RALGAPA2: variants seen among roughly 807,000 people sequenced by gnomAD.
RALGAPA2 encodes ral GTPase-activating protein subunit alpha-2.
Under a neutral mutation model 230.4 loss-of-function variants are expected in RALGAPA2, and 139 were observed. The ratio of observed to expected loss-of-function variants is 0.60; its 90% CI spans 0.53 to 0.69. The LOEUF is 0.69. Ranked by LOEUF, RALGAPA2 falls within the 30% of genes least tolerant of loss-of-function variation. RALGAPA2 has a pLI of 0.00. For synonymous variants in RALGAPA2, 847 were observed against 837.8 expected, an observed-to-expected ratio of 1.01 and a Z score of -0.19; for missense variants, 2,163 against 2,276.0, an observed-to-expected ratio of 0.95 and a Z score of 1.01.
chr20:20,661,244 C>T (rs915058935), intron 3 of RALGAPA2, among the ~76,000 whole-genome samples: 7 of 152,132 alleles, frequency 4.6e-5, no homozygotes, highest in Non-Finnish European at 1.0e-4. Flanking sequence ...CTGCAACCTC[C>T]ACCACCCAGG....
chr20:20,517,987 G>GATAA (rs1173689420), intron 31 of RALGAPA2, among the ~76,000 whole-genome samples: 1 of 152,130 alleles, frequency 6.6e-6, no homozygotes, highest in Admixed American at 6.5e-5. Context: ...TGAAATACCA[G>GATAA]ATAAAGCATT....
intron 4 of RALGAPA2, 26 bp from the exon 5 acceptor site, chr20:20,643,575 A>T (rs2067112531): frequency 7.0e-7 from 1 of 1,433,098 alleles, no homozygotes; most frequent in East Asian, 2.6e-5. Flanking sequence ...AATGAATTAT[A>T]AATAGAGTAT....
At chr20:20,429,633 A>T (rs2060460993) in intron 37 of RALGAPA2, among the ~76,000 whole-genome samples, 1 of 152,378 alleles carries the variant, frequency 6.6e-6, no homozygotes, top group South Asian at 2.1e-4. Context: ...GAAGACAATC[A>T]GTACAAAATT....
At chr20:20,587,690 T>C (rs909236183) in intron 18 of RALGAPA2, among the ~76,000 whole-genome samples, 3 of 151,952 alleles carry the variant, frequency 2.0e-5, no homozygotes, top group Non-Finnish European at 4.4e-5. Flanking sequence ...AAAGATACCC[T>C]AGAGAAGGTA....
chr20:20,705,794 G>A (rs953668151), intron 1 of RALGAPA2, among the ~76,000 whole-genome samples: 4 of 151,960 alleles, frequency 2.6e-5, no homozygotes, highest in Admixed American at 6.6e-5. Flanking sequence ...TCAGCCTCCC[G>A]AGCAGCTGGG....
At chr20:20,600,864 G>T (rs1321549153) in intron 16 of RALGAPA2, among the ~76,000 whole-genome samples, 1 of 152,206 alleles carries the variant, frequency 6.6e-6, no homozygotes, top group Admixed American at 6.5e-5. Context: ...CATTTTGGGA[G>T]GCCGAGGCGG....
At chr20:20,708,718 C>CTTAA (rs2069712863) in intron 1 of RALGAPA2, among the ~76,000 whole-genome samples, 2 of 152,198 alleles carry the variant, frequency 1.3e-5, no homozygotes, top group Admixed American at 1.3e-4. Flanking sequence ...TTATGACATT[C>CTTAA]TTAATTATCT....
intron 35 of RALGAPA2, among the ~76,000 whole-genome samples, chr20:20,496,481 T>C (rs2062208331): frequency 6.6e-6 from 1 of 152,220 alleles, no homozygotes; most frequent in African/African-American, 2.4e-5. Flanking sequence ...TGACATCTTC[T>C]GGGAATTTGA....
chr20:20,689,596 C>T (rs1314011601), intron 1 of RALGAPA2, among the ~76,000 whole-genome samples: 1 of 152,184 alleles, frequency 6.6e-6, no homozygotes. Flanking sequence ...GAGCCGAGAT[C>T]GCGCCACTGC....
intron 36 of RALGAPA2, among the ~76,000 whole-genome samples, chr20:20,486,044 T>G (rs2061900321): frequency 6.6e-6 from 1 of 151,994 alleles, no homozygotes; most frequent in Non-Finnish European, 1.5e-5. Flanking sequence ...GAAGCCGAGG[T>G]AGGAGGATCA....
intron 37 of RALGAPA2, among the ~76,000 whole-genome samples, chr20:20,467,991 G>A (rs1172639806): frequency 1.3e-5 from 2 of 152,008 alleles, no homozygotes; most frequent in Non-Finnish European, 2.9e-5. Context: ...AAGTGTCTAG[G>A]GTACAGGTCT....
At chr20:20,550,487 C>A (rs1454539431) in intron 23 of RALGAPA2, among the ~76,000 whole-genome samples, 6 of 152,144 alleles carry the variant, frequency 3.9e-5, no homozygotes, top group Admixed American at 6.5e-5. Flanking sequence ...TCTCTCAACT[C>A]CAGCTGGCCT....
chr20:20,446,326 T>A (rs2060861289), intron 37 of RALGAPA2, among the ~76,000 whole-genome samples: 2 of 152,242 alleles, frequency 1.3e-5, no homozygotes, highest in African/African-American at 4.8e-5. Context: ...TATTATAAAT[T>A]GGTTAAACAC....
At position 20,392,847 on chromosome 20, in the gene RALGAPA2, C is replaced by A. The variant is rs1176803122; in HGVS notation, c.*442G>T. 3 of 246,420 alleles carry A rather than the reference C, an allele frequency of 1.2e-5. No homozygotes were observed. In the South Asian group the frequency reaches 1.3e-4, roughly 11 times the overall value. The allele number at this position is 246,420 out of a possible 1,614,324, so 15.3% of individuals were successfully genotyped here. ...GCTTGGGTTCATAAATGAGAAGAAA[C>A]AACTTGGGGTGCAGAAGCAAGCTGC... is the stretch of plus-strand genomic sequence containing the variant. On this transcript the variant is annotated 3_prime_UTR_variant, in exon 40 of 40. Coordinates refer to ENST00000202677, the MANE Select transcript of RALGAPA2 (RefSeq NM_020343.4).
chr20:20,641,789 G>C (rs776042111), intron 5 of RALGAPA2, among the ~76,000 whole-genome samples: 3 of 152,020 alleles, frequency 2.0e-5, no homozygotes, highest in Non-Finnish European at 4.4e-5. Flanking sequence ...AGGTGGTGCT[G>C]ACTCCACCAG....
chr20:20,652,552 T>C (rs1192905360), intron 4 of RALGAPA2, among the ~76,000 whole-genome samples: 1 of 152,164 alleles, frequency 6.6e-6, no homozygotes, highest in Non-Finnish European at 1.5e-5. Flanking sequence ...TCAACAAATA[T>C]TTGAATGAAT....
chr20:20,551,707 A>C (rs2063929804), intron 23 of RALGAPA2, among the ~76,000 whole-genome samples: 1 of 152,168 alleles, frequency 6.6e-6, no homozygotes, highest in Non-Finnish European at 1.5e-5. Flanking sequence ...AACTGGAAAA[A>C]CCATAAGTGA....
At chr20:20,501,352 G>A (rs1046153957) in intron 35 of RALGAPA2, among the ~76,000 whole-genome samples, 1 of 152,242 alleles carries the variant, frequency 6.6e-6, no homozygotes, top group Non-Finnish European at 1.5e-5. Flanking sequence ...CAGATAAGCT[G>A]CAGCTTCTGC....
At chr20:20,543,604 A>G (rs1330716516) in intron 24 of RALGAPA2, among the ~76,000 whole-genome samples, 1 of 152,196 alleles carries the variant, frequency 6.6e-6, no homozygotes, top group African/African-American at 2.4e-5. Context: ...GCTGGAAACC[A>G]TCATTCTCAG....
Sources: allele counts gnomAD v4.1 joint callset (sites outside exome capture counted in the v4.1 genomes callset), GRCh38; gene constraint gnomAD v4.1.1; transcripts MANE v1.5; gene names NCBI Gene and HGNC (gene_info 2026-07-23, HGNC 2026-07-21).